The following EYS variants were observed in gnomAD, a reference collection of about 807,000 sequenced individuals.
EYS encodes protein eyes shut homolog.
A neutral mutation model predicts 282.1 loss-of-function variants in EYS; 250 were observed. The observed-to-expected ratio is 0.89, with a 90% CI of 0.80 to 0.98. The LOEUF (loss-of-function observed/expected upper bound fraction) is 0.98. EYS is among the 50% of genes least tolerant of loss of function. EYS has a pLI of 0.00. For synonymous variants in EYS, 1,355 were observed against 1,282.9 expected, an observed-to-expected ratio of 1.06 and a Z score of -1.20; for missense variants, 4,016 against 3,709.0, an observed-to-expected ratio of 1.08 and a Z score of -2.15.
intron 41 of EYS, among the ~76,000 whole-genome samples, chr6:63,751,956 C>T (rs1002122937): frequency 7.2e-5 from 11 of 152,072 alleles, no homozygotes; most frequent in African/African-American, 1.7e-4. Context: ...TTTACAAAAT[C>T]GCATGATTGT....
At chr6:65,485,509 A>G (rs1765752906) in intron 5 of EYS, among the ~76,000 whole-genome samples, 1 of 152,232 alleles carries the variant, frequency 6.6e-6, no homozygotes, top group Admixed American at 6.5e-5. Flanking sequence ...TTACAGTTAA[A>G]AAATGCCAGC....
At position 64,307,057 on chromosome 6, in the gene EYS, G is replaced by A. The variant is rs1769478067; in HGVS notation, c.6104C>T (p.Thr2035Ile). Reference protein sequence around the residue: ...IQMPVPVKNFTGCIEVIEINN... With the variant: ...IQMPVPVKNFIGCIEVIEINN... ...TATTTCTATAACTTCTATGCAGCCA[G>A]TAAAATTCTTGACTGGTACAGGCAT... The change falls in exon 30 of 43, where the codon ACT becomes ATT. Residue 2035 changes from threonine to isoleucine, a missense_variant. Coordinates refer to ENST00000503581, the MANE Select transcript of EYS (RefSeq NM_001142800.2). 6 of 1,531,314 alleles carry A rather than the reference G, an allele frequency of 3.9e-6. No homozygotes were observed. The highest frequency in any genetic ancestry group is 5.3e-6 in the Non-Finnish European group (6 of 1,129,916). The allele number at this position is 1,531,314 out of a possible 1,614,324, so 94.9% of individuals were successfully genotyped here.
intron 22 of EYS, among the ~76,000 whole-genome samples, chr6:64,694,743 G>A (rs1770516480): frequency 6.6e-6 from 1 of 152,170 alleles, no homozygotes; most frequent in Admixed American, 6.5e-5. Context: ...CGATGGACAT[G>A]GGAGTTGGAT....
At chr6:64,234,707 TC>T (rs1411024290) in intron 30 of EYS, among the ~76,000 whole-genome samples, 1 of 152,168 alleles carries the variant, frequency 6.6e-6, no homozygotes, top group Admixed American at 6.5e-5. Context: ...CCACCATATA[TC>T]CTCAGTCTAG....
At chr6:65,318,730 C>T (rs1053753899) in intron 11 of EYS, among the ~76,000 whole-genome samples, 12 of 150,652 alleles carry the variant, frequency 8.0e-5, no homozygotes, top group Middle Eastern at 3.2e-3. Context: ...CAGCCTCCGC[C>T]TCCTGGGTTC....
intron 12 of EYS, among the ~76,000 whole-genome samples, chr6:65,293,041 C>T (rs962571546): frequency 3.3e-5 from 5 of 151,688 alleles, no homozygotes; most frequent in South Asian, 2.1e-4. Context: ...AAACAGGAAA[C>T]GGCTGGGCTT....
chr6:64,404,192 A>G (rs1773628624), intron 28 of EYS, among the ~76,000 whole-genome samples: 1 of 152,182 alleles, frequency 6.6e-6, no homozygotes, highest in Admixed American at 6.5e-5. Flanking sequence ...CATAAAATCT[A>G]TTAGCCTTCA....
intron 36 of EYS, among the ~76,000 whole-genome samples, chr6:63,836,581 TAGAA>T (rs1292300651): frequency 1.3e-5 from 2 of 151,910 alleles, no homozygotes; most frequent in African/African-American, 2.4e-5. Flanking sequence ...TTCTAAAAAG[TAGAA>T]AGAAAATATC....
At chr6:65,625,963 T>C (rs1766674852) in intron 2 of EYS, among the ~76,000 whole-genome samples, 1 of 152,218 alleles carries the variant, frequency 6.6e-6, no homozygotes, top group Non-Finnish European at 1.5e-5. Context: ...TGAACTTTCC[T>C]GTGGATGTTC....
chr6:65,375,145 A>C (rs547985242), intron 8 of EYS, among the ~76,000 whole-genome samples: 1 of 152,244 alleles, frequency 6.6e-6, no homozygotes, highest in East Asian at 1.9e-4. Flanking sequence ...TCTGGCTGGC[A>C]TCTGGTGGGT....
chr6:64,667,130 C>G (rs1339775326), intron 22 of EYS, among the ~76,000 whole-genome samples: 1 of 150,856 alleles, frequency 6.6e-6, no homozygotes, highest in East Asian at 1.9e-4. Flanking sequence ...TCAGGATTCT[C>G]TGCTTAATGA....
intron 24 of EYS, among the ~76,000 whole-genome samples, chr6:64,600,916 T>C (rs973906284): frequency 4.6e-5 from 7 of 152,148 alleles, no homozygotes; most frequent in Admixed American, 4.6e-4. Context: ...CATTCTAATG[T>C]AGCTTTCATG....
chr6:65,386,181 CAA>C lies in EYS; in HGVS notation c.1185-1683_1185-1682del, dbSNP rs71646067. On this transcript the variant is annotated intron_variant, in intron 7 of 42. Transcript: ENST00000503581. ...CTAAACAGAGCAGGTTTTATTGATC[CAA>C]AAAAAAAAAAAAGGCCAAAGATTTT... Among the ~76,000 whole-genome samples the C allele has an allele frequency of 5.6e-3, 713 of 126,614 alleles. 4 individuals are homozygous for C. Among genetic ancestry groups the C allele is most frequent in the African/African-American group, 0.017 (561 of 32,884 alleles). The allele number at this position is 126,614 out of a possible 152,430, so 83.1% of individuals were successfully genotyped here.
chr6:64,670,863 T>C (rs1769431975), intron 22 of EYS, among the ~76,000 whole-genome samples: 1 of 152,108 alleles, frequency 6.6e-6, no homozygotes, highest in South Asian at 2.1e-4. Flanking sequence ...GGATAGTAAC[T>C]CACAGTAGAC....
At chr6:64,339,360 CAACA>C (rs1481698979) in intron 29 of EYS, among the ~76,000 whole-genome samples, 2 of 151,654 alleles carry the variant, frequency 1.3e-5, no homozygotes, top group African/African-American at 4.8e-5. Flanking sequence ...TATAAATGGC[CAACA>C]AACATGAAAA....
chr6:65,457,334 C>T (rs1764662613), intron 5 of EYS, among the ~76,000 whole-genome samples: 1 of 151,034 alleles, frequency 6.6e-6, no homozygotes, highest in Non-Finnish European at 1.5e-5. Flanking sequence ...TCAGCTAATT[C>T]TTTTTTTTTC....
At chr6:64,239,662 T>C (rs1358242790) in intron 30 of EYS, among the ~76,000 whole-genome samples, 4 of 152,044 alleles carry the variant, frequency 2.6e-5, no homozygotes, top group Non-Finnish European at 5.9e-5. Flanking sequence ...TAGCCCTTTG[T>C]CAGATGGATA....
chr6:64,866,038 T>C (rs1264508865), intron 19 of EYS, among the ~76,000 whole-genome samples: 1 of 151,998 alleles, frequency 6.6e-6, no homozygotes, highest in East Asian at 1.9e-4. Flanking sequence ...AAGTAAAAGA[T>C]TATGATTTAT....
intron 1 of EYS, among the ~76,000 whole-genome samples, chr6:65,658,576 G>T (rs1205620497): frequency 6.6e-6 from 1 of 151,596 alleles, no homozygotes; most frequent in Non-Finnish European, 1.5e-5. Context: ...TAACATGATT[G>T]TATTTTGAGT....
Sources: allele counts gnomAD v4.1 joint callset (sites outside exome capture counted in the v4.1 genomes callset), GRCh38; gene constraint gnomAD v4.1.1; transcripts MANE v1.5; gene names NCBI Gene and HGNC (gene_info 2026-07-23, HGNC 2026-07-21).